Variants in LRRC72 observed in about 807,000 individuals in gnomAD.
LRRC72 encodes the protein leucine rich repeat containing 72.
Under a neutral mutation model 35.8 loss-of-function variants are expected in LRRC72, and 41 were observed. The ratio of observed to expected loss-of-function variants is 1.15; its 90% CI spans 0.89 to 1.49. The LOEUF is 1.49. Among genes scored for constraint, LRRC72 ranks in the 40% most tolerant of loss-of-function variants. The pLI is 0.00. For missense variants in LRRC72, 389 were observed against 330.7 expected, an observed-to-expected ratio of 1.18 and a Z score of -1.37; for synonymous variants, 118 against 119.2, an observed-to-expected ratio of 0.99 and a Z score of 0.07.
chr7:16,568,609 A>G (rs1215892803), intron 7 of LRRC72, among the ~76,000 whole-genome samples: 1 of 152,208 alleles, frequency 6.6e-6, no homozygotes, highest in East Asian at 1.9e-4. Context: ...AATTTTCCCA[A>G]ACTGATAAAT....
Position 16,581,404 on chromosome 7 carries a change from G to C in LRRC72, c.779G>C (p.Trp260Ser). The change falls in exon 9 of 9, where the codon TGG becomes TCG. Residue 260 changes from tryptophan to serine, a missense_variant. Coordinates refer to ENST00000401542, the MANE Select transcript of LRRC72 (RefSeq NM_001195280.2). Reference protein sequence around the residue: ...RSVMTLTSMNWDTVPTREERY... With the variant: ...RSVMTLTSMNSDTVPTREERY... Reference sequence around the variant, plus strand: ...GTGATGACTTTGACCTCTATGAACTGGGACACAGTTCCAACACGAGAGGAA... The same window carrying C: ...GTGATGACTTTGACCTCTATGAACTCGGACACAGTTCCAACACGAGAGGAA... 6.5e-7 allele frequency: 1 copy of C among 1,550,010 alleles called. No individual in the cohort carries two copies. The highest frequency in any genetic ancestry group is 2.4e-5 in the East Asian group (1 of 40,868).
At chr7:16,535,453 A>G (rs1237743546) in intron 2 of LRRC72, among the ~76,000 whole-genome samples, 1 of 152,214 alleles carries the variant, frequency 6.6e-6, no homozygotes, top group Non-Finnish European at 1.5e-5. Flanking sequence ...AATAAATGTT[A>G]AAAGAATAAG....
intron 7 of LRRC72, among the ~76,000 whole-genome samples, chr7:16,578,533 G>A (rs1783084426): frequency 6.6e-6 from 1 of 151,976 alleles, no homozygotes; most frequent in African/African-American, 2.4e-5. Flanking sequence ...CACACACATT[G>A]AAAAAATAGT....
chr7:16,564,648 T>C (rs893590872), intron 5 of LRRC72, among the ~76,000 whole-genome samples: 1 of 152,206 alleles, frequency 6.6e-6, no homozygotes, highest in African/African-American at 2.4e-5. Flanking sequence ...TTGTTTATTA[T>C]GTACCAGGTG....
chr7:16,557,400 C>G lies in LRRC72; in HGVS notation c.275C>G (p.Thr92Arg). 1.5e-6 allele frequency: 2 copies of G among 1,336,122 alleles called. No homozygotes were observed. Among genetic ancestry groups the G allele is most frequent in the South Asian group, 3.9e-5 (2 of 51,566 alleles). The allele number at this position is 1,336,122 out of a possible 1,614,324, so 82.8% of individuals were successfully genotyped here. ...ITFLTRNYCL[T>R]ELYLNNNAIF... ...TTTCTAACTAGAAACTATTGTCTGA[C>G]AGAACTATATCTAAACAACAATGCA... Residue 92 changes from threonine (T) to arginine (R), a missense_variant, in exon 4 of 9, where the codon ACA (threonine) becomes AGA (arginine). Coordinates refer to ENST00000401542, the MANE Select transcript of LRRC72 (RefSeq NM_001195280.2).
intron 5 of LRRC72, among the ~76,000 whole-genome samples, chr7:16,564,571 C>A (rs1046893012): frequency 1.3e-5 from 2 of 151,076 alleles, no homozygotes; most frequent in African/African-American, 4.9e-5. Flanking sequence ...TATTTCCTTT[C>A]TTTTAAATTT....
chr7:16,575,989 T>C (rs1783034247), intron 7 of LRRC72, among the ~76,000 whole-genome samples: 1 of 152,216 alleles, frequency 6.6e-6, no homozygotes, highest in Non-Finnish European at 1.5e-5. Context: ...CTTTTCATAT[T>C]GAACCTCCAA....
intron 7 of LRRC72, among the ~76,000 whole-genome samples, chr7:16,569,867 T>C (rs998962552): frequency 6.6e-6 from 1 of 151,742 alleles, no homozygotes; most frequent in Admixed American, 6.6e-5. Flanking sequence ...CCAGTCTCTA[T>C]TAAAAATGCA....
intron 7 of LRRC72, among the ~76,000 whole-genome samples, chr7:16,574,807 A>T (rs562985506): frequency 1.3e-5 from 2 of 151,558 alleles, no homozygotes; most frequent in African/African-American, 4.8e-5. Context: ...TAAAATATAT[A>T]TATATATATT....
At chr7:16,558,789 G>A in intron 4 of LRRC72, 100 bp from the exon 5 acceptor site, 1 of 510,488 alleles carries the variant, frequency 2.0e-6, no homozygotes, top group Non-Finnish European at 3.2e-6. Flanking sequence ...TTTTTAGTTA[G>A]CATGTTAATT....
chr7:16,558,693 A>C (rs552343627), intron 4 of LRRC72, among the ~76,000 whole-genome samples, 196 bp from the exon 5 acceptor site: 178 of 152,148 alleles, frequency 1.2e-3, no homozygotes, highest in African/African-American at 4.2e-3. Flanking sequence ...TAATTATATG[A>C]ATTATGCCTT....
At chr7:16,575,081 C>T (rs1161416373) in intron 7 of LRRC72, among the ~76,000 whole-genome samples, 1 of 133,786 alleles carries the variant, frequency 7.5e-6, no homozygotes, top group Non-Finnish European at 1.6e-5. Context: ...CATCACTGCA[C>T]TTTAGCCTGC....
chr7:16,564,055 G>A (rs1013228361), intron 5 of LRRC72, among the ~76,000 whole-genome samples: 21 of 152,170 alleles, frequency 1.4e-4, no homozygotes, highest in Non-Finnish European at 1.8e-4. Context: ...GAAATGAAAT[G>A]GATAGTAATG....
At chr7:16,548,535 T>C (rs1360461278) in intron 3 of LRRC72, among the ~76,000 whole-genome samples, 13 of 152,206 alleles carry the variant, frequency 8.5e-5, no homozygotes, top group Admixed American at 8.5e-4. Flanking sequence ...CCAGTGTCAG[T>C]CGTGGAAGCT....
chr7:16,537,573 T>G, intron 2 of LRRC72, 54 bp from the exon 3 acceptor site: 1 of 1,101,904 alleles, frequency 9.1e-7, no homozygotes, highest in Non-Finnish European at 1.3e-6. Flanking sequence ...TGCCCAGACT[T>G]ACCTATGTGT....
chr7:16,532,683 C>T, intron 2 of LRRC72, 115 bp downstream of exon 2: 1 of 817,544 alleles, frequency 1.2e-6, no homozygotes, highest in Non-Finnish European at 2.1e-6. Flanking sequence ...CTGGGTAGGA[C>T]TCCAATTATT....
intron 3 of LRRC72, among the ~76,000 whole-genome samples, chr7:16,540,883 AC>A (rs1473773602): frequency 2.0e-5 from 3 of 152,132 alleles, no homozygotes; most frequent in Non-Finnish European, 2.9e-5. Flanking sequence ...TTTATAAATG[AC>A]CCAGTCTTGG....
intron 6 of LRRC72, 132 bp from the exon 7 acceptor site, chr7:16,567,259 A>G (rs1782861411): frequency 3.0e-6 from 2 of 660,496 alleles, no homozygotes; most frequent in African/African-American, 1.9e-5. Flanking sequence ...CCCCTTTACA[A>G]AACAGTTTTG....
At chr7:16,546,476 C>T (rs142306144) in intron 3 of LRRC72, among the ~76,000 whole-genome samples, 1,784 of 152,044 alleles carry the variant, frequency 0.012, 24 homozygotes, top group Non-Finnish European at 0.012. Context: ...GTCAAATGCT[C>T]CCTGGGGGGC....
Sources: allele counts gnomAD v4.1 joint callset (sites outside exome capture counted in the v4.1 genomes callset), GRCh38; gene constraint gnomAD v4.1.1; transcripts MANE v1.5; gene names NCBI Gene and HGNC (gene_info 2026-07-23, HGNC 2026-07-21).